The following GUCY2D variants were observed in gnomAD, a reference collection of about 807,000 sequenced individuals.
The protein encoded by GUCY2D is retinal guanylyl cyclase 1.
A neutral mutation model predicts 101.3 loss-of-function variants in GUCY2D; 70 were observed. That is an observed-to-expected ratio of 0.69 (90% CI 0.57 to 0.84). The LOEUF is 0.84. GUCY2D is among the 40% of genes least tolerant of loss of function. The pLI is 0.00. For synonymous variants in GUCY2D, 688 were observed against 670.7 expected (o/e 1.03, Z -0.40); for missense variants, 1,460 against 1,542.5 (o/e 0.95, Z 0.90).
At chr17:8,010,235 G>C (rs930994199) in intron 8 of GUCY2D, among the ~76,000 whole-genome samples, 1 of 152,178 alleles carries the variant, frequency 6.6e-6, no homozygotes, top group Non-Finnish European at 1.5e-5. Flanking sequence ...TTGATCTAAT[G>C]ATAGAAAATA....
intron 19 of GUCY2D, 123 bp from the exon 20 acceptor site, chr17:8,019,991 CTGGCAGAGCAGTGA>C (rs944721133): frequency 2.8e-4 from 42 of 152,068 alleles, no homozygotes; most frequent in African/African-American, 9.6e-4. Flanking sequence ...GGCTCTGTAG[CTGGCAGAGCAGTGA>C]TGGCCAAAGC....
At chr17:8,018,870 A>G (rs540833632) in intron 19 of GUCY2D, among the ~76,000 whole-genome samples, 15 of 149,806 alleles carry the variant, frequency 1.0e-4, no homozygotes, top group Non-Finnish European at 1.9e-4. Flanking sequence ...CATGACTTCC[A>G]CAAGCTTAGT....
Position 8,004,010 on chromosome 17 carries a change from G to A in GUCY2D, c.880G>A (p.Ala294Thr), listed in dbSNP as rs1451475360. The part of the protein sequence containing the change: ...ALSPGPEALA[A>T]LANSSQLRRA... ...GTCCCCAGGCCCGGAGGCCTTGGCC[G>A]CACTCGCCAACAGCTCCCAGCTTCG... The change falls in exon 3 of 20, where the codon GCA becomes ACA. Residue 294 changes from alanine (A) to threonine (T), a missense_variant. Coordinates refer to ENST00000254854, the MANE Select transcript of GUCY2D (RefSeq NM_000180.4). 2.5e-6 allele frequency: 4 copies of A among 1,612,796 alleles called. No homozygotes were observed. Among genetic ancestry groups the A allele is most frequent in the Non-Finnish European group, 3.4e-6 (4 of 1,179,938 alleles).
intron 17 of GUCY2D, 48 bp from the exon 18 acceptor site, chr17:8,016,157 C>A: frequency 1.5e-6 from 2 of 1,373,272 alleles, no homozygotes; most frequent in Non-Finnish European, 2.0e-6. Flanking sequence ...GATCCCCCAC[C>A]CCTCACCCCA....
At position 8,002,966 on chromosome 17, in the gene GUCY2D, C is replaced by A; in HGVS notation, c.-9-73C>A. The A allele has an allele frequency of 8.4e-7, 1 of 1,197,512 alleles. No individual in the cohort carries two copies. Among genetic ancestry groups the A allele is most frequent in the Non-Finnish European group, 1.2e-6 (1 of 861,792 alleles). The allele number at this position is 1,197,512 out of a possible 1,614,324, so 74.2% of individuals were successfully genotyped here. ...CATGGGTTACTCGGGCTTGGAGAAA[C>A]TCGGGGTTACGGGGAGAACCCTAGG... On this transcript the variant is annotated intron_variant, in intron 1 of 19. Transcript: ENST00000254854. The surrounding 1 kb of genome is among the most constrained non-coding windows in gnomAD (Gnocchi z 4.9).
In GUCY2D at chr17:8,013,783, C is replaced by T; in HGVS notation, c.2264-97C>T. 2 of 967,630 alleles carry T rather than the reference C, an allele frequency of 2.1e-6. No homozygotes were observed. The highest frequency in any genetic ancestry group is 2.7e-5 in the South Asian group (2 of 73,684). 59.9% of individuals were successfully genotyped at this position (967,630 alleles called of 1,614,324 possible). A position where few individuals can be genotyped will look rare whatever the true frequency, so the allele number is the denominator to read the frequency against. ...ATGTAAAGAAACCCCTGCCAGGCAC[C>T]CCCTCCCACATCTTGGTCTTCAACA... On this transcript the variant is annotated intron_variant, in intron 11 of 19. Coordinates refer to ENST00000254854, the MANE Select transcript of GUCY2D (RefSeq NM_000180.4). This position sits in a 1 kb window ranked among gnomAD's most constrained non-coding sequence, Gnocchi z 5.0.
intron 8 of GUCY2D, among the ~76,000 whole-genome samples, chr17:8,009,833 G>A (rs886790127): frequency 6.6e-6 from 1 of 152,014 alleles, no homozygotes; most frequent in Admixed American, 6.6e-5. Context: ...AAAATTAGCT[G>A]GGTGTGGCGT....
chr17:8,014,341 T>C lies in GUCY2D; in HGVS notation c.2413-260T>C, dbSNP rs138200238. On this transcript the variant is annotated intron_variant, in intron 12 of 19. Coordinates refer to ENST00000254854, the MANE Select transcript of GUCY2D (RefSeq NM_000180.4). This position sits in a 1 kb window ranked among gnomAD's most constrained non-coding sequence, Gnocchi z 4.0. The stretch of plus-strand genomic sequence containing the variant: ...GACCCTTGGCCTGGGAGCCCAACGA[T>C]TGGGCTGGCTCCAGTGCCCTGTCAA... 50 of 599,970 alleles carry C rather than the reference T, an allele frequency of 8.3e-5. 2 individuals are homozygous for C. Among genetic ancestry groups the C allele is most frequent in the East Asian group, 2.6e-4 (9 of 35,200 alleles). The allele number at this position is 599,970 out of a possible 1,614,324, so 37.2% of individuals were successfully genotyped here. A position where few individuals can be genotyped will look rare whatever the true frequency, so the allele number is the denominator to read the frequency against.
intron 19 of GUCY2D, among the ~76,000 whole-genome samples, chr17:8,018,299 G>A (rs746245709): frequency 4.6e-5 from 7 of 152,156 alleles, no homozygotes; most frequent in Admixed American, 1.3e-4. Flanking sequence ...GTGGGCCAGG[G>A]TCGGCACTGC....
Position 8,013,712 on chromosome 17 carries a change from C to A in GUCY2D, c.2264-168C>A. ...GTCCTCTTGTTCCTCCTAGCAACCC[C>A]CTTCCACACTATACTCTCCCTCCAC... On this transcript the variant is annotated intron_variant, in intron 11 of 19. Coordinates refer to ENST00000254854, the MANE Select transcript of GUCY2D (RefSeq NM_000180.4). This position sits in a 1 kb window ranked among gnomAD's most constrained non-coding sequence, Gnocchi z 5.0. 3.1e-6 allele frequency: 2 copies of A among 653,666 alleles called. No individual in the cohort carries two copies. The highest frequency in any genetic ancestry group is 5.5e-6 in the Non-Finnish European group (2 of 366,882). The allele number at this position is 653,666 out of a possible 1,614,324, so 40.5% of individuals were successfully genotyped here. A position where few individuals can be genotyped will look rare whatever the true frequency, so the allele number is the denominator to read the frequency against.
chr17:8,016,084 GGCCGCGGCTGCAAACCTCA>G (rs1269117910), intron 17 of GUCY2D, 63 bp downstream of exon 17: 17 of 1,460,748 alleles, frequency 1.2e-5, no homozygotes, highest in Non-Finnish European at 1.4e-5. Flanking sequence ...GCCCATCCCG[GGCCGCGGCTGCAAACCTCA>G]GCTCACCCTT....
intron 15 of GUCY2D, 115 bp downstream of exon 15, chr17:8,015,617 A>T (rs1975952821): frequency 1.7e-6 from 2 of 1,191,976 alleles, no homozygotes; most frequent in Non-Finnish European, 2.4e-6. Flanking sequence ...CTTGAAGAGG[A>T]TGCACTTAAC....
Position 8,013,876 on chromosome 17 carries a change from C to T in GUCY2D, c.2264-4C>T, listed in dbSNP as rs1975905482. 1 of 1,613,288 alleles carries T rather than the reference C, an allele frequency of 6.2e-7. No homozygotes were observed. The highest frequency in any genetic ancestry group is 8.5e-7 in the Non-Finnish European group (1 of 1,179,286). On this transcript the variant is annotated splice_polypyrimidine_tract_variant and splice_region_variant and intron_variant, in intron 11 of 19. Coordinates refer to ENST00000254854, the MANE Select transcript of GUCY2D (RefSeq NM_000180.4). This position sits in a 1 kb window ranked among gnomAD's most constrained non-coding sequence, Gnocchi z 5.0. ...TCCCCCTCACTGTCCCCTCATGCCT[C>T]CAGAAGTGGTGCAGAGGGTGCGGAG...
In GUCY2D at chr17:8,016,291, G is replaced by C. The variant is rs757823463; in HGVS notation, c.3224+1G>C. ...CCAAACCGCCTGACCTGCAACCGGG[G>C]TGAGGGGCCGGCCTCCGCGGCAGGG... is the stretch of plus-strand genomic sequence containing the variant. On this transcript the variant is annotated splice_donor_variant, in intron 18 of 19. Coordinates refer to ENST00000254854, the MANE Select transcript of GUCY2D (RefSeq NM_000180.4). LOFTEE classifies it high-confidence loss of function. 5.1e-6 allele frequency: 8 copies of C among 1,561,036 alleles called. No individual in the cohort carries two copies. Among genetic ancestry groups the C allele is most frequent in the Non-Finnish European group, 7.0e-6 (8 of 1,150,602 alleles).
chr17:8,006,607 G>A lies in GUCY2D; in HGVS notation c.1271G>A (p.Arg424Gln), dbSNP rs760766230. 6 of 1,612,900 alleles carry A rather than the reference G, an allele frequency of 3.7e-6. No homozygotes were observed. Among genetic ancestry groups the A allele is most frequent in the Admixed American group, 3.3e-5 (2 of 59,940 alleles). The change falls in exon 4 of 20, where the codon CGG becomes CAG. Residue 424 changes from arginine to glutamine, a missense_variant. Arg to Gln is a conservative substitution (Grantham distance 43). This residue lies in a region of GUCY2D where 1,196 missense variants were observed against 1,229.6 expected (regional missense o/e 0.97). Coordinates refer to ENST00000254854, the MANE Select transcript of GUCY2D (RefSeq NM_000180.4). ...GCCACATACATGCTGGATCCTGCCC[G>A]GGGCTCCTTCCTCTCCGCCGGTACC... ...LFATYMLDPA[R>Q]GSFLSAGTRM...
intron 8 of GUCY2D, 114 bp from the exon 9 acceptor site, chr17:8,012,030 C>A: frequency 1.3e-6 from 1 of 763,968 alleles, no homozygotes; most frequent in South Asian, 1.5e-5. Context: ...TTTCATCCAC[C>A]ATTTGTAAAA....
In GUCY2D at chr17:8,013,867, C is replaced by T; in HGVS notation, c.2264-13C>T. The stretch of plus-strand genomic sequence containing the variant: ...TGGGGGCACTCCCCCTCACTGTCCC[C>T]TCATGCCTCCAGAAGTGGTGCAGAG... On this transcript the variant is annotated splice_polypyrimidine_tract_variant and intron_variant, in intron 11 of 19. Transcript: ENST00000254854. The surrounding 1 kb of genome is among the most constrained non-coding windows in gnomAD (Gnocchi z 5.0). The T allele has an allele frequency of 6.2e-7, 1 of 1,612,772 alleles. No individual in the cohort carries two copies. Among genetic ancestry groups the T allele is most frequent in the Non-Finnish European group, 8.5e-7 (1 of 1,178,880 alleles).
At chr17:8,016,577 C>T (rs1383897982) in intron 19 of GUCY2D, 23 bp downstream of exon 19, 1 of 1,215,070 alleles carries the variant, frequency 8.2e-7, no homozygotes, top group South Asian at 1.3e-5. Context: ...CAGCCCCAAC[C>T]CCAGCTGCCG....
intron 4 of GUCY2D, 113 bp downstream of exon 4, chr17:8,006,827 C>T: frequency 2.0e-6 from 2 of 1,000,948 alleles, no homozygotes; most frequent in Non-Finnish European, 3.1e-6. Context: ...CTTCTAGGCC[C>T]TCTCCCAGCC....
Sources: allele counts gnomAD v4.1 joint callset (sites outside exome capture counted in the v4.1 genomes callset), GRCh38; gene constraint gnomAD v4.1.1; regional missense constraint gnomAD v4.1.1; non-coding constraint Gnocchi (gnomAD v3.1); transcripts MANE v1.5; gene names NCBI Gene and HGNC (gene_info 2026-07-23, HGNC 2026-07-21).